SERPINB3: variants seen among roughly 807,000 people sequenced by gnomAD.
The protein encoded by SERPINB3 is serpin family B member 3.
In SERPINB3, 33 loss-of-function variants were observed where a neutral mutation model predicts 33.0. The observed-to-expected ratio is 1.00, with a 90% CI of 0.76 to 1.34. SERPINB3 has a LOEUF of 1.34. SERPINB3 is among the 40% of genes most tolerant of loss of function. The probability of loss-of-function intolerance (pLI) is 0.00; values close to 1 mark genes in which losing one functional copy is unlikely to be tolerated. For missense variants in SERPINB3, 518 were observed against 461.5 expected (o/e 1.12, Z -1.12); for synonymous variants, 200 against 170.9 (o/e 1.17, Z -1.33).
chr18:63,659,337 G>C, intron 4 of SERPINB3, 62 bp downstream of exon 4: 1 of 1,550,442 alleles, frequency 6.4e-7, no homozygotes. Context: ...TCTTCCATTT[G>C]GCCACTCAGA....
chr18:63,656,115 C>G, intron 7 of SERPINB3, 54 bp from the exon 8 acceptor site: 1 of 1,561,844 alleles, frequency 6.4e-7, no homozygotes, highest in Middle Eastern at 1.7e-4. Flanking sequence ...TTCTAATACA[C>G]CTTAACAATG....
intron 2 of SERPINB3, 53 bp downstream of exon 2, chr18:63,660,999 G>C (rs1236222912): frequency 1.2e-6 from 2 of 1,610,860 alleles, no homozygotes; most frequent in African/African-American, 2.7e-5. Context: ...CGTGCTAGCC[G>C]ACGGAACCAG....
In SERPINB3 at chr18:63,656,935, C is replaced by T; in HGVS notation, c.664G>A (p.Ala222Thr). ...MMRQYTSFHF[A>T]SLEDVQAKVL... ...TTGGCCTGTACATCCTCCAGCGAGG[C>T]AAAATGAAAAGATGTGTATTGCCTC... The change falls in exon 7 of 8, where the codon GCC (alanine) becomes ACC (threonine). Residue 222 changes from alanine (A) to threonine (T), a missense_variant. Physicochemically the swap from Ala to Thr is moderately conservative, Grantham distance 58. Coordinates refer to ENST00000283752, the MANE Select transcript of SERPINB3 (RefSeq NM_006919.3). 6.2e-7 allele frequency: 1 copy of T among 1,613,140 alleles called. No individual in the cohort carries two copies. The highest frequency in any genetic ancestry group is 8.5e-7 in the Non-Finnish European group (1 of 1,179,390).
chr18:63,659,239 TC>T, intron 4 of SERPINB3, 159 bp downstream of exon 4: 2 of 749,996 alleles, frequency 2.7e-6, no homozygotes, highest in Non-Finnish European at 4.6e-6. Flanking sequence ...TCTGGGACAC[TC>T]CAGTGGGGGA....
At chr18:63,656,543 C>T (rs1381162410) in intron 7 of SERPINB3, among the ~76,000 whole-genome samples, 2 of 152,144 alleles carry the variant, frequency 1.3e-5, no homozygotes, top group Admixed American at 1.3e-4. Flanking sequence ...AAACTTTCCT[C>T]ACATTGCTAT....
chr18:63,657,653 A>G (rs532064785), intron 5 of SERPINB3, among the ~76,000 whole-genome samples: 5 of 152,246 alleles, frequency 3.3e-5, no homozygotes, highest in African/African-American at 1.2e-4. Context: ...GTGATAGAGA[A>G]GGAGTTCACG....
At position 63,660,929 on chromosome 18, in the gene SERPINB3, C is replaced by T. The variant is rs557858762; in HGVS notation, c.166-73G>A. On this transcript the variant is annotated intron_variant, in intron 2 of 7. Coordinates refer to ENST00000283752, the MANE Select transcript of SERPINB3 (RefSeq NM_006919.3). ...GTTTAAGTCAGTGGTCTCACAGTTA[C>T]GGGAATTCCTGCTCAGCCCCCTGTG... 2,158 of 1,611,166 alleles carry T rather than the reference C, an allele frequency of 1.3e-3. 36 individuals are homozygous for T. The South Asian group carries it at 0.016, about 12-fold the overall frequency.
rs1913475826 is a variant in SERPINB3, at chr18:63,655,765, T to A, written c.1065A>T (p.Ser355=). The A allele has an allele frequency of 6.2e-7, 1 of 1,613,152 alleles. No individual in the cohort carries two copies. The highest frequency in any genetic ancestry group is 8.5e-7 in the Non-Finnish European group (1 of 1,179,952). The part of the protein sequence containing the change: ...AATAVVGFGS[S]PTSTNEEFHC... Reference sequence around the variant, plus strand: ...GGAACTCTTCATTAGTTGAAGTAGGTGATGATCCGAATCCTACTACAGCGG... The same window carrying A: ...GGAACTCTTCATTAGTTGAAGTAGGAGATGATCCGAATCCTACTACAGCGG... The change falls in exon 8 of 8, where the codon TCA becomes TCT. Residue 355 remains serine (S), a synonymous_variant. Transcript: ENST00000283752.
At chr18:63,659,002 T>C (rs577855158) in intron 4 of SERPINB3, among the ~76,000 whole-genome samples, 1 of 152,288 alleles carries the variant, frequency 6.6e-6, no homozygotes. Context: ...ATTCAGTATT[T>C]CCTGGTACTT....
At chr18:63,659,583 C>T in intron 3 of SERPINB3, 56 bp from the exon 4 acceptor site, 2 of 1,610,668 alleles carry the variant, frequency 1.2e-6, no homozygotes, top group South Asian at 1.1e-5. Flanking sequence ...AAATACTAAA[C>T]CCATGCTAAG....
intron 3 of SERPINB3, 107 bp from the exon 4 acceptor site, chr18:63,659,634 G>C: frequency 6.8e-7 from 1 of 1,460,590 alleles, no homozygotes; most frequent in Non-Finnish European, 9.4e-7. Context: ...TCTCAATGAG[G>C]ACCTTTGAGC....
At chr18:63,657,470 G>A (rs961876038) in intron 5 of SERPINB3, 58 bp from the exon 6 acceptor site, 1 of 1,423,880 alleles carries the variant, frequency 7.0e-7, no homozygotes, top group Non-Finnish European at 9.5e-7. Flanking sequence ...TTGTCTGGAA[G>A]ATGCTTTGCA....
At chr18:63,660,175 CT>C (rs1340464284) in intron 3 of SERPINB3, among the ~76,000 whole-genome samples, 4 of 152,220 alleles carry the variant, frequency 2.6e-5, no homozygotes, top group Non-Finnish European at 5.9e-5. Flanking sequence ...CGTTTTGAAC[CT>C]AAGCCTGTTT....
chr18:63,658,845 A>T (rs1598938450), intron 4 of SERPINB3, among the ~76,000 whole-genome samples: 3 of 152,172 alleles, frequency 2.0e-5, no homozygotes, highest in Non-Finnish European at 4.4e-5. Flanking sequence ...GGTCAATATC[A>T]TCTGGCAAAA....
At chr18:63,658,051 G>A (rs562561740) in intron 5 of SERPINB3, among the ~76,000 whole-genome samples, 26 of 152,204 alleles carry the variant, frequency 1.7e-4, no homozygotes, top group African/African-American at 6.0e-4. Flanking sequence ...TGCAGAACTT[G>A]TGGCTAGAGA....
At chr18:63,660,584 C>T in intron 3 of SERPINB3, among the ~76,000 whole-genome samples, 1 of 152,082 alleles carries the variant, frequency 6.6e-6, no homozygotes, top group East Asian at 1.9e-4. Context: ...TGATCCAGAC[C>T]TATGCTCTGA....
At chr18:63,656,160 A>G (rs1380591823) in intron 7 of SERPINB3, 99 bp from the exon 8 acceptor site, 2 of 1,368,966 alleles carry the variant, frequency 1.5e-6, no homozygotes, top group East Asian at 2.4e-5. Flanking sequence ...TTTTGGCAAC[A>G]AATGTGAAAT....
In SERPINB3 at chr18:63,657,274, T is replaced by A. The variant is rs767775887; in HGVS notation, c.608A>T (p.Asn203Ile). 4.0e-5 allele frequency: 63 copies of A among 1,556,440 alleles called. 1 individual carries two copies. The South Asian group carries it at 6.9e-4, about 17-fold the overall frequency. The change falls in exon 6 of 8, where the codon AAC (asparagine) becomes ATC (isoleucine). Residue 203 changes from asparagine to isoleucine, a missense_variant. Coordinates refer to ENST00000283752, the MANE Select transcript of SERPINB3 (RefSeq NM_006919.3). ...TAAATAAAATATAGACAATACCTTG[T>A]TTGGCCAAAATTTTTCCTCTTTAGT... ...EDTKEEKFWP[N>I]KNTYKSIQMM...
At chr18:63,657,199 A>G (rs927940198) in intron 6 of SERPINB3, 71 bp downstream of exon 6, 9 of 935,250 alleles carry the variant, frequency 9.6e-6, no homozygotes, top group Admixed American at 8.9e-5. Flanking sequence ...TTTACTTGTC[A>G]TGGTACATTC....
Sources: allele counts gnomAD v4.1 joint callset (sites outside exome capture counted in the v4.1 genomes callset), GRCh38; gene constraint gnomAD v4.1.1; transcripts MANE v1.5; gene names NCBI Gene and HGNC (gene_info 2026-07-23, HGNC 2026-07-21).